The following KLRG1 variants were observed in gnomAD, a reference collection of about 807,000 sequenced individuals.
The protein encoded by KLRG1 is killer cell lectin like receptor G1, also known as killer cell lectin-like receptor subfamily G member 1.
A neutral mutation model predicts 21.8 loss-of-function variants in KLRG1; 16 were observed. The observed-to-expected ratio is 0.73, with a 90% CI of 0.50 to 1.11. KLRG1 has a LOEUF of 1.11. Ranked by LOEUF, KLRG1 falls within the 50% of genes most tolerant of loss-of-function variation. KLRG1 has a pLI of 0.00. For missense variants in KLRG1, 173 were observed against 218.3 expected (o/e 0.79, Z 1.31); for synonymous variants, 69 against 75.9 (o/e 0.91, Z 0.47).
the KLRG1 span, among the ~76,000 whole-genome samples, chr12:9,061,972 T>C: frequency 6.6e-6 from 1 of 151,982 alleles, no homozygotes; most frequent in Non-Finnish European, 1.5e-5. Context: ...GATATATTTA[T>C]ATAGTGTATA....
chr12:9,201,181 G>C, the KLRG1 span: 5 of 1,400,218 alleles, frequency 3.6e-6, no homozygotes, highest in Non-Finnish European at 4.9e-6. Flanking sequence ...AGAAGGAAGA[G>C]AAAATACAAT....
chr12:9,189,647 T>G, the KLRG1 span, among the ~76,000 whole-genome samples: 1 of 152,202 alleles, frequency 6.6e-6, no homozygotes, highest in African/African-American at 2.4e-5. Context: ...AAATGGGATC[T>G]AATTAACCTA....
chr12:8,978,080 T>C (rs1002231096), intron 1 of KLRG1, among the ~76,000 whole-genome samples: 1 of 152,216 alleles, frequency 6.6e-6, no homozygotes, highest in Non-Finnish European at 1.5e-5. Flanking sequence ...AACAAATCTT[T>C]ATTTTTTTTA....
In KLRG1 at chr12:9,009,552, G is replaced by C; in HGVS notation, c.*15G>C. The C allele has an allele frequency of 6.2e-7, 1 of 1,613,166 alleles. No homozygotes were observed. On this transcript the variant is annotated 3_prime_UTR_variant, in exon 5 of 5. Transcript: ENST00000356986. ...TCAGACTTTGATAGATGACCACTCT[G>C]TCCTGACCCTCAGATCTGTCATGTA...
chr12:9,090,268 T>C, the KLRG1 span: 53 of 1,586,352 alleles, frequency 3.3e-5, no homozygotes, highest in Non-Finnish European at 4.2e-5. Flanking sequence ...AGTGGTCTTT[T>C]CCTGAAGGAA....
chr12:9,037,671 G>A, the KLRG1 span, among the ~76,000 whole-genome samples: 8 of 152,106 alleles, frequency 5.3e-5, no homozygotes, highest in East Asian at 1.5e-3. Context: ...CCCCATTCGT[G>A]GTAAGAGCCC....
chr12:9,106,495 T>C, the KLRG1 span: 1 of 1,586,092 alleles, frequency 6.3e-7, no homozygotes, highest in Non-Finnish European at 8.6e-7. Context: ...ACAAACCTGT[T>C]CCTTCTTCTT....
At chr12:9,059,754 C>G in the KLRG1 span, among the ~76,000 whole-genome samples, 4 of 152,290 alleles carry the variant, frequency 2.6e-5, no homozygotes, top group Admixed American at 2.6e-4. Context: ...GACATGATCA[C>G]TGATCACTGC....
At chr12:9,014,876 G>A (rs1209867638), downstream of KLRG1, among the ~76,000 whole-genome samples, 1 of 152,024 alleles carries the variant, frequency 6.6e-6, no homozygotes, top group South Asian at 2.1e-4. Context: ...AAGTTAAAGT[G>A]TAGAGTTTTT....
At chr12:9,152,871 G>A in the KLRG1 span, 16 of 1,613,912 alleles carry the variant, frequency 9.9e-6, no homozygotes, top group Admixed American at 3.3e-5. Flanking sequence ...TGTGTCCATC[G>A]CAAGTTTGGG....
At chr12:9,206,624 A>G in the KLRG1 span, among the ~76,000 whole-genome samples, 1 of 152,212 alleles carries the variant, frequency 6.6e-6, no homozygotes, top group Admixed American at 6.5e-5. Context: ...GCCCCAAGGC[A>G]GGGGAGAATG....
chr12:9,159,895 T>C, the KLRG1 span: 4 of 1,516,210 alleles, frequency 2.6e-6, no homozygotes, highest in East Asian at 9.0e-5. Flanking sequence ...ATGTGCACGT[T>C]CTGAACTCAT....
At chr12:9,048,285 G>A in the KLRG1 span, among the ~76,000 whole-genome samples, 7 of 152,064 alleles carry the variant, frequency 4.6e-5, no homozygotes, top group Non-Finnish European at 1.0e-4. Flanking sequence ...GGCCCAAGAA[G>A]TCTTACGAGA....
the KLRG1 span, chr12:9,028,128 C>A: frequency 2.6e-6 from 2 of 774,066 alleles, no homozygotes; most frequent in Non-Finnish European, 4.4e-6. Flanking sequence ...ATTATCTGTT[C>A]TTCAGTGTCG....
At chr12:9,124,583 G>C in the KLRG1 span, among the ~76,000 whole-genome samples, 1 of 152,216 alleles carries the variant, frequency 6.6e-6, no homozygotes, top group Admixed American at 6.5e-5. Flanking sequence ...TTGGCTGCGC[G>C]GGAGATTCCC....
the KLRG1 span, among the ~76,000 whole-genome samples, chr12:9,149,345 A>G: frequency 6.6e-6 from 1 of 152,246 alleles, no homozygotes; most frequent in Non-Finnish European, 1.5e-5. Flanking sequence ...TCCTACAAAT[A>G]AACAAAGCTT....
chr12:9,208,198 C>T, the KLRG1 span: 19 of 1,324,270 alleles, frequency 1.4e-5, no homozygotes, highest in African/African-American at 7.3e-5. Context: ...GAAGGCAAAG[C>T]GAAGACACAA....
At chr12:9,064,888 G>A in the KLRG1 span, 1 of 152,498 alleles carries the variant, frequency 6.6e-6, no homozygotes, top group Non-Finnish European at 1.5e-5. This position sits in a 1 kb window ranked among gnomAD's most constrained non-coding sequence, Gnocchi z 4.0. Context: ...GCCTTGGGAG[G>A]AGGCTCTGAG....
At chr12:8,984,766 T>C (rs1442425168), upstream of KLRG1, among the ~76,000 whole-genome samples, 3 of 152,258 alleles carry the variant, frequency 2.0e-5, no homozygotes, top group Non-Finnish European at 4.4e-5. Flanking sequence ...TTCTACTTAC[T>C]GACTTTTCTT....
Sources: gnomAD v4.1 joint callset for allele counts (sites outside exome capture counted in the v4.1 genomes callset) on GRCh38, gnomAD v4.1.1 for gene constraint, Gnocchi (gnomAD v3.1) non-coding constraint, MANE v1.5 for transcripts, NCBI Gene and HGNC (gene_info 2026-07-23, HGNC 2026-07-21) for gene names.